The following KANSL1L variants were observed in gnomAD, a reference collection of about 807,000 sequenced individuals.
KANSL1L encodes the protein KAT8 regulatory NSL complex subunit 1-like protein.
Under a neutral mutation model 108.6 loss-of-function variants are expected in KANSL1L, and 25 were observed. That is an observed-to-expected ratio of 0.23 (90% CI 0.17 to 0.32). The LOEUF is 0.32. KANSL1L is among the 10% of genes least tolerant of loss of function. KANSL1L has a pLI of 1.00. For synonymous variants in KANSL1L, 405 were observed against 395.1 expected, an observed-to-expected ratio of 1.03 and a Z score of -0.30; for missense variants, 1,137 against 1,125.7, an observed-to-expected ratio of 1.01 and a Z score of -0.14.
chr2:210,033,518 T>C (rs1157176140), intron 8 of KANSL1L, among the ~76,000 whole-genome samples: 2 of 152,102 alleles, frequency 1.3e-5, no homozygotes, highest in East Asian at 3.9e-4. Context: ...TGTGAAGGAA[T>C]CAACTTTCAC....
At chr2:210,131,959 A>G (rs1575590026) in intron 2 of KANSL1L, among the ~76,000 whole-genome samples, 1 of 152,162 alleles carries the variant, frequency 6.6e-6, no homozygotes, top group Non-Finnish European at 1.5e-5. Flanking sequence ...GGCCTCCCAA[A>G]GTGCTGGGAT....
intron 5 of KANSL1L, among the ~76,000 whole-genome samples, chr2:210,091,347 T>G (rs554516172): frequency 6.6e-6 from 1 of 152,292 alleles, no homozygotes; most frequent in East Asian, 1.9e-4. Flanking sequence ...CTATTTATCC[T>G]TTTTGAAGTA....
In KANSL1L at chr2:210,024,986, A is replaced by G. The variant is rs2093915831; in HGVS notation, c.2564+118T>C. The G allele has an allele frequency of 1.5e-5, 10 of 680,852 alleles. No homozygotes were observed. In the South Asian group the frequency reaches 1.5e-4, roughly 10 times the overall value. 42.2% of individuals were successfully genotyped at this position (680,852 alleles called of 1,614,324 possible). A position where few individuals can be genotyped will look rare whatever the true frequency, so the allele number is the denominator to read the frequency against. On this transcript the variant is annotated intron_variant, in intron 13 of 14. Coordinates refer to ENST00000281772, the MANE Select transcript of KANSL1L (RefSeq NM_152519.4). ...ATGTAGTATTTTACTTCTGGTGCAC[A>G]ATAGCTGATGTTACAACAGCATGTT...
intron 3 of KANSL1L, among the ~76,000 whole-genome samples, chr2:210,117,024 T>A (rs2094961273): frequency 6.6e-6 from 1 of 152,126 alleles, no homozygotes; most frequent in Admixed American, 6.5e-5. Flanking sequence ...TCCTATCAGA[T>A]AAATTTAATG....
At chr2:210,138,747 ATGG>A (rs2095199089) in intron 2 of KANSL1L, among the ~76,000 whole-genome samples, 1 of 152,122 alleles carries the variant, frequency 6.6e-6, no homozygotes, top group East Asian at 1.9e-4. Context: ...TACTTTTTCT[ATGG>A]TGGGAACATT....
intron 6 of KANSL1L, among the ~76,000 whole-genome samples, chr2:210,046,897 A>G (rs1372159387): frequency 2.0e-5 from 3 of 152,108 alleles, no homozygotes; most frequent in Non-Finnish European, 4.4e-5. Flanking sequence ...AAACTATATC[A>G]GGCCCACCAG....
At chr2:210,170,862 G>A (rs964671694) in intron 1 of KANSL1L, among the ~76,000 whole-genome samples, 1 of 148,246 alleles carries the variant, frequency 6.7e-6, no homozygotes, top group African/African-American at 2.5e-5. Context: ...CGTGACCGGC[G>A]TCCAGGTCCG....
intron 8 of KANSL1L, among the ~76,000 whole-genome samples, chr2:210,033,236 A>G (rs550867761): frequency 6.6e-6 from 1 of 152,368 alleles, no homozygotes; most frequent in South Asian, 2.1e-4. Context: ...ACAGCAAATG[A>G]AAAATCATAA....
In KANSL1L at chr2:210,028,335, A is replaced by T. The variant is rs925811092; in HGVS notation, c.2396+510T>A. 2.0e-5 allele frequency: 3 copies of T among 148,580 alleles called. No homozygotes were observed. The South Asian group carries it at 6.6e-4, about 33-fold the overall frequency. 9.2% of individuals were successfully genotyped at this position (148,580 alleles called of 1,614,324 possible). On this transcript the variant is annotated intron_variant, in intron 11 of 14. Coordinates refer to ENST00000281772, the MANE Select transcript of KANSL1L (RefSeq NM_152519.4). Reference sequence around the variant, plus strand: ...TCTCCACCTTCCCATTCCTTCATGGATGACTTCCCAGACCTTCCCACTCAT... The same window carrying T: ...TCTCCACCTTCCCATTCCTTCATGGTTGACTTCCCAGACCTTCCCACTCAT...
At chr2:210,056,955 C>A (rs994039288) in intron 6 of KANSL1L, among the ~76,000 whole-genome samples, 1 of 152,152 alleles carries the variant, frequency 6.6e-6, no homozygotes, top group South Asian at 2.1e-4. Flanking sequence ...TCACAAATTT[C>A]TTCAATCCCT....
chr2:210,095,378 T>A (rs948661107), intron 5 of KANSL1L, among the ~76,000 whole-genome samples: 1 of 151,992 alleles, frequency 6.6e-6, no homozygotes, highest in African/African-American at 2.4e-5. Context: ...TCTTTCTCCA[T>A]CATGCTCTTG....
At chr2:210,168,663 C>T (rs933146256) in intron 1 of KANSL1L, among the ~76,000 whole-genome samples, 1 of 152,068 alleles carries the variant, frequency 6.6e-6, no homozygotes, top group Non-Finnish European at 1.5e-5. Flanking sequence ...TTGGATAATG[C>T]AGCAGTTGGG....
chr2:210,040,374 G>T (rs1168308820), intron 8 of KANSL1L, 46 bp downstream of exon 8: 4 of 865,778 alleles, frequency 4.6e-6, no homozygotes, highest in Non-Finnish European at 5.8e-6. Flanking sequence ...TAAGTATAAA[G>T]ACATAAAAAG....
intron 5 of KANSL1L, among the ~76,000 whole-genome samples, chr2:210,095,031 TA>T (rs1265861183): frequency 6.6e-6 from 1 of 152,062 alleles, no homozygotes; most frequent in African/African-American, 2.4e-5. Flanking sequence ...AACTAGTCTA[TA>T]ATCTTAACCA....
At chr2:210,147,915 A>G (rs1225293909) in intron 2 of KANSL1L, among the ~76,000 whole-genome samples, 2 of 152,160 alleles carry the variant, frequency 1.3e-5, no homozygotes, top group African/African-American at 4.8e-5. Flanking sequence ...GCACAAAACC[A>G]TGAGTATTCA....
At chr2:210,049,036 A>G (rs543934605) in intron 6 of KANSL1L, among the ~76,000 whole-genome samples, 4 of 152,188 alleles carry the variant, frequency 2.6e-5, no homozygotes, top group African/African-American at 9.6e-5. Flanking sequence ...AGTTCTCTGC[A>G]TCTCTGTACA....
At chr2:210,057,140 A>G (rs894138998) in intron 6 of KANSL1L, among the ~76,000 whole-genome samples, 2 of 152,120 alleles carry the variant, frequency 1.3e-5, no homozygotes, top group Non-Finnish European at 2.9e-5. Context: ...GGTATTTCAC[A>G]CCTGTAATCC....
intron 5 of KANSL1L, among the ~76,000 whole-genome samples, chr2:210,095,958 T>C (rs1396460905): frequency 6.6e-6 from 1 of 152,172 alleles, no homozygotes; most frequent in African/African-American, 2.4e-5. Flanking sequence ...AAAAATGTAA[T>C]TAATTAAAAC....
chr2:210,171,748 G>A (rs1416817630), upstream of KANSL1L: 2 of 151,986 alleles, frequency 1.3e-5, no homozygotes, highest in Non-Finnish European at 1.5e-5. Context: ...CTGAGGAAAA[G>A]TCAGGCGACT....
Sources: allele counts gnomAD v4.1 joint callset (sites outside exome capture counted in the v4.1 genomes callset), GRCh38; gene constraint gnomAD v4.1.1; transcripts MANE v1.5; gene names NCBI Gene and HGNC (gene_info 2026-07-23, HGNC 2026-07-21).